TMEM178B: variants seen among roughly 807,000 people sequenced by gnomAD.
The protein encoded by TMEM178B is transmembrane protein 178B.
In TMEM178B, 5 loss-of-function variants were observed where a neutral mutation model predicts 31.0. The ratio of observed to expected loss-of-function variants is 0.16; its 90% CI spans 0.08 to 0.34. The LOEUF (loss-of-function observed/expected upper bound fraction) is 0.34. TMEM178B is among the 10% of genes least tolerant of loss of function. The pLI is 1.00. For missense variants in TMEM178B, 275 were observed against 400.3 expected (o/e 0.69, Z 2.67); for synonymous variants, 164 against 164.0 (o/e 1.00, Z 0.00).
intron 2 of TMEM178B, among the ~76,000 whole-genome samples, chr7:141,367,068 GGA>G (rs1267961993): frequency 3.6e-4 from 48 of 134,084 alleles, no homozygotes; most frequent in African/African-American, 1.2e-3. Flanking sequence ...CCATTCAGGG[GGA>G]GCCACATGAC....
intron 2 of TMEM178B, among the ~76,000 whole-genome samples, chr7:141,295,219 C>T: frequency 6.6e-6 from 1 of 152,144 alleles, no homozygotes; most frequent in East Asian, 1.9e-4. Context: ...ATTCCAGAAA[C>T]CTGAACACTG....
At chr7:141,245,506 G>T (rs759844574) in intron 2 of TMEM178B, among the ~76,000 whole-genome samples, 60 of 152,246 alleles carry the variant, frequency 3.9e-4, no homozygotes, top group Non-Finnish European at 7.6e-4. Flanking sequence ...TAAAGAAACG[G>T]CAAAAAGTCT....
chr7:141,082,038 A>C (rs932822058), intron 1 of TMEM178B, among the ~76,000 whole-genome samples: 1 of 152,240 alleles, frequency 6.6e-6, no homozygotes, highest in African/African-American at 2.4e-5. Flanking sequence ...GTACAGTAAC[A>C]TGCTGTTCAG....
At chr7:141,317,193 G>A (rs2116467566) in intron 2 of TMEM178B, among the ~76,000 whole-genome samples, 1 of 152,260 alleles carries the variant, frequency 6.6e-6, no homozygotes, top group Non-Finnish European at 1.5e-5. Context: ...GGTCAAGGCA[G>A]GAAGTGCCAT....
At chr7:141,081,014 A>G (rs1457630789) in intron 1 of TMEM178B, among the ~76,000 whole-genome samples, 2 of 152,202 alleles carry the variant, frequency 1.3e-5, no homozygotes, top group African/African-American at 2.4e-5. Flanking sequence ...TATATTTACT[A>G]TGCTATACTT....
downstream of TMEM178B, among the ~76,000 whole-genome samples, chr7:141,480,551 A>G (rs1260640374): frequency 1.3e-5 from 2 of 152,274 alleles, no homozygotes; most frequent in African/African-American, 2.4e-5. Context: ...AAACATTTCA[A>G]TCATGTGAAG....
At chr7:141,248,582 A>G (rs1228612910) in intron 2 of TMEM178B, among the ~76,000 whole-genome samples, 2 of 152,224 alleles carry the variant, frequency 1.3e-5, no homozygotes, top group African/African-American at 4.8e-5. Flanking sequence ...CTAGGCTACA[A>G]ACCTGTACAG....
intron 2 of TMEM178B, among the ~76,000 whole-genome samples, chr7:141,365,932 G>C (rs927718723): frequency 6.6e-6 from 1 of 152,196 alleles, no homozygotes; most frequent in African/African-American, 2.4e-5. Context: ...AATTCACCCT[G>C]CAACAGTGAT....
At chr7:141,250,618 A>G (rs887643) in intron 2 of TMEM178B, among the ~76,000 whole-genome samples, 139,379 of 152,164 alleles carry the variant, frequency 0.92, 64,004 homozygotes, top group East Asian at 0.99. Context: ...CTCTGTGCTC[A>G]CCTTCCTTTA....
chr7:141,221,664 A>G (rs1013878963), intron 2 of TMEM178B, among the ~76,000 whole-genome samples: 2 of 152,230 alleles, frequency 1.3e-5, no homozygotes, highest in Non-Finnish European at 2.9e-5. Flanking sequence ...ACAAGGTGGG[A>G]GGCTGTTATA....
chr7:141,434,659 T>G (rs1213562362), intron 2 of TMEM178B, among the ~76,000 whole-genome samples: 1 of 152,248 alleles, frequency 6.6e-6, no homozygotes, highest in Non-Finnish European at 1.5e-5. Context: ...CCAGCTATTT[T>G]GAAGTACACA....
In TMEM178B at chr7:141,215,781, T is replaced by TTC. The variant is rs1563120239; in HGVS notation, c.496+3077_496+3078insTC. Among the ~76,000 whole-genome samples the TTC allele has an allele frequency of 3.3e-3, 129 of 38,848 alleles. 1 individual carries two copies. In the East Asian group the frequency reaches 0.052, roughly 16 times the overall value. The allele number at this position is 38,848 out of a possible 152,430, so 25.5% of individuals were successfully genotyped here. A position where few individuals can be genotyped will look rare whatever the true frequency, so the allele number is the denominator to read the frequency against. The stretch of plus-strand genomic sequence containing the variant: ...TAAATTTGAATTATATACTTTCCTT[T>TTC]CTTTCTTTCTTTCTTTCTTTCTTTC... On this transcript the variant is annotated intron_variant, in intron 2 of 3. Coordinates refer to ENST00000565468, the MANE Select transcript of TMEM178B (RefSeq NM_001195278.2).
chr7:141,156,543 G>A (rs2129181082), intron 1 of TMEM178B, among the ~76,000 whole-genome samples: 1 of 152,278 alleles, frequency 6.6e-6, no homozygotes, highest in African/African-American at 2.4e-5. Context: ...AAAGATGATG[G>A]GGTTAATGGA....
At chr7:141,322,470 G>A (rs1267899981) in intron 2 of TMEM178B, among the ~76,000 whole-genome samples, 2 of 152,164 alleles carry the variant, frequency 1.3e-5, no homozygotes, top group Non-Finnish European at 2.9e-5. Flanking sequence ...GGGAGGTGGA[G>A]CTTGGAGTGA....
At chr7:141,232,141 C>G (rs556592008) in intron 2 of TMEM178B, among the ~76,000 whole-genome samples, 65 of 152,332 alleles carry the variant, frequency 4.3e-4, no homozygotes, top group African/African-American at 1.5e-3. Flanking sequence ...GACATGCTCT[C>G]TTTCCATTTT....
chr7:141,324,427 T>TTG (rs1563151665), intron 2 of TMEM178B, among the ~76,000 whole-genome samples: 1 of 51,456 alleles, frequency 1.9e-5, no homozygotes, highest in Non-Finnish European at 4.1e-5. Context: ...TTTTTTTTTT[T>TTG]TTTTTTTTTT....
chr7:141,122,131 A>T (rs929003446), intron 1 of TMEM178B, among the ~76,000 whole-genome samples: 2 of 152,226 alleles, frequency 1.3e-5, no homozygotes, highest in Non-Finnish European at 2.9e-5. Flanking sequence ...TTCACTGGAA[A>T]ACTGGAACAT....
chr7:141,387,893 C>T (rs115681404), intron 2 of TMEM178B, among the ~76,000 whole-genome samples: 1,704 of 152,258 alleles, frequency 0.011, 25 homozygotes, highest in African/African-American at 0.038. Flanking sequence ...GTCATCCTGT[C>T]GGCCACTCCC....
At chr7:141,452,059 C>G (rs1234084920) in intron 3 of TMEM178B, among the ~76,000 whole-genome samples, 1 of 152,068 alleles carries the variant, frequency 6.6e-6, no homozygotes, top group Non-Finnish European at 1.5e-5. Flanking sequence ...TTTTCTTTGC[C>G]CTTTTCTACC....
Sources: gnomAD v4.1 joint callset for allele counts (sites outside exome capture counted in the v4.1 genomes callset) on GRCh38, gnomAD v4.1.1 for gene constraint, MANE v1.5 for transcripts, NCBI Gene and HGNC (gene_info 2026-07-23, HGNC 2026-07-21) for gene names.